The following DCDC2 variants were observed in gnomAD, a reference collection of about 807,000 sequenced individuals.
DCDC2 encodes the protein doublecortin domain-containing protein 2.
A neutral mutation model predicts 50.2 loss-of-function variants in DCDC2; 40 were observed. The ratio of observed to expected loss-of-function variants is 0.80; its 90% confidence interval spans 0.62 to 1.04. DCDC2 has a LOEUF of 1.04. DCDC2 is among the 50% of genes least tolerant of loss of function. The pLI is 0.00. For synonymous variants in DCDC2, 234 were observed against 210.6 expected (o/e 1.11, Z -0.96); for missense variants, 570 against 581.9 (o/e 0.98, Z 0.21).
At chr6:24,300,012 GATTT>G (rs1171068382) in intron 4 of DCDC2, among the ~76,000 whole-genome samples, 5 of 152,048 alleles carry the variant, frequency 3.3e-5, no homozygotes, top group African/African-American at 4.8e-5. Context: ...TAATCTCTAA[GATTT>G]ATTATAGGAA....
At chr6:24,198,304 G>A (rs772350286) in intron 8 of DCDC2, among the ~76,000 whole-genome samples, 10 of 152,136 alleles carry the variant, frequency 6.6e-5, no homozygotes, top group East Asian at 3.9e-4. Context: ...TGAGGTACCC[G>A]GCTCATCTCA....
intron 7 of DCDC2, among the ~76,000 whole-genome samples, chr6:24,210,071 T>TCTGCCTGCCTGC (rs1270490925): frequency 3.6e-5 from 5 of 140,822 alleles, no homozygotes; most frequent in African/African-American, 1.4e-4. Flanking sequence ...TGTCTGTCTG[T>TCTGCCTGCCTGC]CTGCCTGCCT....
At chr6:24,357,280 TCA>T in intron 1 of DCDC2, 176 bp downstream of exon 1, 1 of 607,972 alleles carries the variant, frequency 1.6e-6, no homozygotes, top group Non-Finnish European at 2.7e-6. Context: ...CCTTCTCCAG[TCA>T]CAGTGTCAAC....
At chr6:24,255,907 A>G (rs1262965695) in intron 7 of DCDC2, among the ~76,000 whole-genome samples, 1 of 152,154 alleles carries the variant, frequency 6.6e-6, no homozygotes, top group Non-Finnish European at 1.5e-5. Context: ...ATTCAACAGA[A>G]ATACACATGC....
intron 2 of DCDC2, among the ~76,000 whole-genome samples, chr6:24,317,078 T>C (rs1377322104): frequency 6.7e-6 from 1 of 150,026 alleles, no homozygotes; most frequent in Non-Finnish European, 1.5e-5. Context: ...TATGCACACA[T>C]ACATGCATAC....
At chr6:24,353,227 G>A (rs1676238222) in intron 2 of DCDC2, 2 of 466,826 alleles carry the variant, frequency 4.3e-6, no homozygotes, top group South Asian at 1.6e-5. Context: ...TTAGGATGAG[G>A]ATGTAGCTTT....
At chr6:24,183,953 T>C (rs1761137973) in intron 8 of DCDC2, among the ~76,000 whole-genome samples, 2 of 152,114 alleles carry the variant, frequency 1.3e-5, no homozygotes, top group South Asian at 4.1e-4. Flanking sequence ...GCGGGGCAAA[T>C]GGAAGTGCAA....
chr6:24,257,733 A>C (rs1264236164), intron 7 of DCDC2, among the ~76,000 whole-genome samples: 2 of 151,978 alleles, frequency 1.3e-5, no homozygotes, highest in African/African-American at 2.4e-5. Context: ...ACAAGCTTCT[A>C]AAGAAATTTC....
At chr6:24,273,918 G>C (rs1405920120) in intron 7 of DCDC2, among the ~76,000 whole-genome samples, 1 of 152,140 alleles carries the variant, frequency 6.6e-6, no homozygotes, top group African/African-American at 2.4e-5. Context: ...CAGTCATCAG[G>C]AGTCTAAAAA....
At chr6:24,253,751 C>T (rs751855384) in intron 7 of DCDC2, among the ~76,000 whole-genome samples, 2 of 152,090 alleles carry the variant, frequency 1.3e-5, no homozygotes, top group Non-Finnish European at 1.5e-5. Flanking sequence ...ATGAATGGAG[C>T]TTGCAGGACT....
At chr6:24,310,821 T>C (rs2113844927) in intron 2 of DCDC2, among the ~76,000 whole-genome samples, 1 of 152,336 alleles carries the variant, frequency 6.6e-6, no homozygotes, top group South Asian at 2.1e-4. Flanking sequence ...GCATTTTTTT[T>C]CAAAGCAGTT....
intron 2 of DCDC2, among the ~76,000 whole-genome samples, chr6:24,334,792 T>C (rs1760026565): frequency 6.6e-6 from 1 of 152,208 alleles, no homozygotes; most frequent in Non-Finnish European, 1.5e-5. Flanking sequence ...AAAAGTACTC[T>C]ACTTGTTGTT....
At chr6:24,324,907 AAAAG>A (rs548432411) in intron 2 of DCDC2, among the ~76,000 whole-genome samples, 251 of 151,980 alleles carry the variant, frequency 1.7e-3, no homozygotes, top group African/African-American at 5.7e-3. Flanking sequence ...AGAAAGACAG[AAAAG>A]AAAGAAAGAA....
intron 2 of DCDC2, among the ~76,000 whole-genome samples, chr6:24,330,058 TCA>T (rs1310720566): frequency 6.6e-6 from 1 of 152,224 alleles, no homozygotes; most frequent in African/African-American, 2.4e-5. Context: ...GAACCCATTA[TCA>T]GGGACTACTG....
intron 7 of DCDC2, among the ~76,000 whole-genome samples, chr6:24,242,361 G>A (rs148087222): frequency 1.9e-3 from 290 of 152,024 alleles, no homozygotes; most frequent in Non-Finnish European, 3.2e-3. Flanking sequence ...TGACTGGCCA[G>A]CCCTCCACTC....
intron 2 of DCDC2, among the ~76,000 whole-genome samples, chr6:24,340,562 C>A (rs1487446785): frequency 1.3e-5 from 2 of 151,968 alleles, no homozygotes; most frequent in African/African-American, 4.8e-5. Flanking sequence ...CTTTTAAAAA[C>A]TAGCATGGAA....
intron 2 of DCDC2, among the ~76,000 whole-genome samples, chr6:24,328,165 A>G (rs1759907322): frequency 6.6e-6 from 1 of 152,262 alleles, no homozygotes; most frequent in Admixed American, 6.5e-5. Flanking sequence ...CTCTGTATAT[A>G]CAGGAAACTT....
chr6:24,192,855 AT>A, intron 8 of DCDC2, among the ~76,000 whole-genome samples: 1 of 152,062 alleles, frequency 6.6e-6, no homozygotes, highest in Non-Finnish European at 1.5e-5. Flanking sequence ...CAAAGAAACA[AT>A]TTTTTTCCAA....
At chr6:24,282,862 T>C (rs2113823409) in intron 6 of DCDC2, among the ~76,000 whole-genome samples, 1 of 152,294 alleles carries the variant, frequency 6.6e-6, no homozygotes, top group East Asian at 1.9e-4. Flanking sequence ...CTTTTACCTA[T>C]ACCAGCCTCA....
Sources: allele counts gnomAD v4.1 joint callset (sites outside exome capture counted in the v4.1 genomes callset), GRCh38; gene constraint gnomAD v4.1.1; transcripts MANE v1.5; gene names NCBI Gene and HGNC (gene_info 2026-07-23, HGNC 2026-07-21).